Variants in NRG3 observed in about 807,000 individuals in gnomAD.
The protein encoded by NRG3 is pro-neuregulin-3, membrane-bound isoform.
NRG3 carries 31 observed loss-of-function variants against 66.9 expected under a neutral mutation model. That is an observed-to-expected ratio of 0.46 (90% CI 0.35 to 0.63). The LOEUF is 0.63. Ranked by LOEUF, NRG3 falls within the 20% of genes least tolerant of loss-of-function variation. The pLI is 0.00. For synonymous variants in NRG3, 393 were observed against 359.4 expected (o/e 1.09, Z -1.06); for missense variants, 910 against 878.9 (o/e 1.04, Z -0.45).
chr10:82,850,471 C>A (rs1310207935), intron 3 of NRG3, among the ~76,000 whole-genome samples: 1 of 151,832 alleles, frequency 6.6e-6, no homozygotes, highest in Non-Finnish European at 1.5e-5. Context: ...GCTTTGAACT[C>A]ATCTTGGATT....
At chr10:82,778,023 G>C (rs1031641013) in intron 3 of NRG3, among the ~76,000 whole-genome samples, 2 of 151,156 alleles carry the variant, frequency 1.3e-5, no homozygotes, top group Non-Finnish European at 3.0e-5. Flanking sequence ...GCTCAGCCAA[G>C]GCTCTTTTTC....
intron 1 of NRG3, among the ~76,000 whole-genome samples, chr10:82,305,902 G>A (rs367796557): frequency 6.6e-6 from 1 of 152,058 alleles, no homozygotes; most frequent in African/African-American, 2.4e-5. Context: ...TGGTGACTGG[G>A]GATATTGTTT....
chr10:82,427,077 ATGTGTGGGTG>A (rs147070217), intron 2 of NRG3, among the ~76,000 whole-genome samples: 2,291 of 152,196 alleles, frequency 0.015, 43 homozygotes, highest in African/African-American at 0.046. Context: ...CCAGTAGGGT[ATGTGTGGGTG>A]TGCATTTGTG....
intron 1 of NRG3, among the ~76,000 whole-genome samples, chr10:82,253,059 C>T (rs1028858145): frequency 3.3e-5 from 5 of 152,196 alleles, no homozygotes; most frequent in Non-Finnish European, 4.4e-5. Flanking sequence ...CCACCTTCTT[C>T]GCTTCGTCTA....
At chr10:82,118,118 G>A (rs1468158909) in intron 1 of NRG3, among the ~76,000 whole-genome samples, 1 of 151,692 alleles carries the variant, frequency 6.6e-6, no homozygotes, top group Non-Finnish European at 1.5e-5. Flanking sequence ...ATTGTCTTGG[G>A]ATTTGCTTTG....
rs572926176 is a variant in NRG3 at position 82,478,507 on chromosome 10, C to T, written c.953+119639C>T. On this transcript the variant is annotated intron_variant, in intron 2 of 8. Transcript: ENST00000372141. ...CTGTTTAACAAAGCACATCTTGCACCGCCCTTAATCCATTTAACCCTGAGT... is the reference window on the plus strand; with the variant it reads ...CTGTTTAACAAAGCACATCTTGCACTGCCCTTAATCCATTTAACCCTGAGT... Among the ~76,000 whole-genome samples the T allele has an allele frequency of 9.4e-5, 5 of 53,240 alleles. 1 individual carries two copies. Among genetic ancestry groups the T allele is most frequent in the Non-Finnish European group, 2.5e-4 (5 of 19,820 alleles). 34.9% of individuals were successfully genotyped at this position (53,240 alleles called of 152,430 possible).
chr10:82,241,492 C>A (rs1022876467), intron 1 of NRG3, among the ~76,000 whole-genome samples: 2 of 152,004 alleles, frequency 1.3e-5, no homozygotes, highest in Non-Finnish European at 2.9e-5. Context: ...ACATTAAGGA[C>A]AACTAAGCTA....
intron 2 of NRG3, among the ~76,000 whole-genome samples, chr10:82,604,910 C>T (rs1435195254): frequency 1.3e-5 from 2 of 152,010 alleles, no homozygotes; most frequent in Non-Finnish European, 2.9e-5. Context: ...AATTATCTTT[C>T]GTATATTAAC....
At chr10:82,597,139 A>T (rs2047331455) in intron 2 of NRG3, among the ~76,000 whole-genome samples, 1 of 152,202 alleles carries the variant, frequency 6.6e-6, no homozygotes, top group Non-Finnish European at 1.5e-5. Flanking sequence ...ATCTTCCCAA[A>T]TTTTAAGCAA....
intron 1 of NRG3, chr10:81,877,709 T>G: frequency 7.6e-7 from 1 of 1,318,592 alleles, no homozygotes; most frequent in Non-Finnish European, 9.6e-7. Flanking sequence ...AAGGAAGGAA[T>G]CTGCCACAAA....
chr10:81,924,505 T>C (rs1181301233), intron 1 of NRG3, among the ~76,000 whole-genome samples: 2 of 152,202 alleles, frequency 1.3e-5, no homozygotes, highest in Non-Finnish European at 2.9e-5. Context: ...ACAAGTTTTC[T>C]TGTGAGCTGT....
At chr10:82,287,875 T>C (rs573602515) in intron 1 of NRG3, among the ~76,000 whole-genome samples, 3 of 152,288 alleles carry the variant, frequency 2.0e-5, no homozygotes, top group African/African-American at 7.2e-5. Context: ...GGTTCCTCCC[T>C]CAGGTTGCTC....
At chr10:82,580,701 T>A (rs1292568086) in intron 2 of NRG3, among the ~76,000 whole-genome samples, 1 of 152,002 alleles carries the variant, frequency 6.6e-6, no homozygotes, top group Non-Finnish European at 1.5e-5. Flanking sequence ...CATTTAGGAT[T>A]CTCTACCTTT....
chr10:82,001,074 C>G (rs989988331), intron 1 of NRG3, among the ~76,000 whole-genome samples: 1 of 151,376 alleles, frequency 6.6e-6, no homozygotes, highest in Non-Finnish European at 1.5e-5. Context: ...TCTCCCTGAA[C>G]AAATTCCTAT....
At chr10:82,892,252 A>T (rs1843219124) in intron 4 of NRG3, among the ~76,000 whole-genome samples, 1 of 152,174 alleles carries the variant, frequency 6.6e-6, no homozygotes, top group Admixed American at 6.5e-5. Flanking sequence ...AGACATTTTT[A>T]GGCCTAAAGA....
chr10:82,212,848 G>A (rs1237776886), intron 1 of NRG3, among the ~76,000 whole-genome samples: 1 of 152,194 alleles, frequency 6.6e-6, no homozygotes, highest in African/African-American at 2.4e-5. Flanking sequence ...ACATACGTAA[G>A]TAAAACCTTT....
chr10:82,770,112 T>G (rs1034101257), intron 3 of NRG3, among the ~76,000 whole-genome samples: 1 of 152,156 alleles, frequency 6.6e-6, no homozygotes, highest in Non-Finnish European at 1.5e-5. Flanking sequence ...TTATTCTTAT[T>G]TATTTAGTTT....
intron 2 of NRG3, among the ~76,000 whole-genome samples, chr10:82,584,931 G>T (rs1390116789): frequency 6.8e-6 from 1 of 147,682 alleles, no homozygotes; most frequent in Non-Finnish European, 1.5e-5. Flanking sequence ...TTAAATGAGG[G>T]ATCAAGATTT....
At chr10:82,529,933 A>G (rs1166271719) in intron 2 of NRG3, among the ~76,000 whole-genome samples, 2 of 152,198 alleles carry the variant, frequency 1.3e-5, no homozygotes, top group African/African-American at 2.4e-5. Context: ...TCTTGGATTT[A>G]TTAACAGATA....
Sources: gnomAD v4.1 joint callset for allele counts (sites outside exome capture counted in the v4.1 genomes callset) on GRCh38, gnomAD v4.1.1 for gene constraint, MANE v1.5 for transcripts, NCBI Gene and HGNC (gene_info 2026-07-23, HGNC 2026-07-21) for gene names.